Variants in SSH2 observed in about 807,000 individuals in gnomAD.
SSH2 encodes protein phosphatase Slingshot homolog 2.
In SSH2, 37 loss-of-function variants were observed where a neutral mutation model predicts 135.2. The observed-to-expected ratio is 0.27, with a 90% CI of 0.21 to 0.36. SSH2 has a LOEUF of 0.36. SSH2 is among the 10% of genes least tolerant of loss of function. The probability of loss-of-function intolerance (pLI) is 1.00; values close to 1 mark genes in which losing one functional copy is unlikely to be tolerated. For synonymous variants in SSH2, 628 were observed against 646.2 expected (o/e 0.97, Z 0.43); for missense variants, 1,408 against 1,765.3 (o/e 0.80, Z 3.63).
chr17:29,715,407 G>A (rs898396196), intron 3 of SSH2, among the ~76,000 whole-genome samples: 40 of 151,606 alleles, frequency 2.6e-4, no homozygotes, highest in Non-Finnish European at 2.2e-4. Context: ...CACCACGCCC[G>A]GCTAATTTTT....
At chr17:29,760,784 C>A (rs1234328284) in intron 3 of SSH2, among the ~76,000 whole-genome samples, 1 of 152,050 alleles carries the variant, frequency 6.6e-6, no homozygotes, top group African/African-American at 2.4e-5. Flanking sequence ...CACAGGGACT[C>A]CCGCTTCCGA....
chr17:29,744,883 G>GTGTGTGTGTT (rs1182372128), intron 3 of SSH2, among the ~76,000 whole-genome samples: 3 of 151,160 alleles, frequency 2.0e-5, no homozygotes, highest in Non-Finnish European at 4.4e-5. Flanking sequence ...GTGTGTGTGT[G>GTGTGTGTGTT]TGTGTGTGTG....
At chr17:29,815,412 G>T (rs955500303) in intron 2 of SSH2, among the ~76,000 whole-genome samples, 4 of 152,004 alleles carry the variant, frequency 2.6e-5, no homozygotes, top group African/African-American at 9.7e-5. Flanking sequence ...GTTAGCCACC[G>T]TGCCTGGCCC....
chr17:29,741,829 T>C (rs1427420406), intron 3 of SSH2, among the ~76,000 whole-genome samples: 1 of 151,902 alleles, frequency 6.6e-6, no homozygotes, highest in African/African-American at 2.4e-5. Flanking sequence ...TTGGCCAGGC[T>C]GGTGTTGAAT....
chr17:29,757,673 T>TTGAGCCTGGGAGTATGAGA (rs1189011707), intron 3 of SSH2, among the ~76,000 whole-genome samples: 2 of 150,430 alleles, frequency 1.3e-5, no homozygotes, highest in Admixed American at 1.3e-4. Flanking sequence ...GGAGGATCAC[T>TTGAGCCTGGGAGTATGAGA]TGAGCCTGGG....
intron 2 of SSH2, among the ~76,000 whole-genome samples, chr17:29,797,418 C>CT (rs937116294): frequency 2.0e-5 from 3 of 152,142 alleles, no homozygotes; most frequent in Non-Finnish European, 4.4e-5. Context: ...CTATGTACTA[C>CT]TTTATGGGAA....
At chr17:29,659,341 C>T (rs1195658788) in intron 11 of SSH2, among the ~76,000 whole-genome samples, 2 of 152,184 alleles carry the variant, frequency 1.3e-5, no homozygotes, top group Admixed American at 1.3e-4. Context: ...CAGAGCACCA[C>T]TTTCCCCACA....
At chr17:29,879,355 G>A (rs2066094326) in intron 1 of SSH2, among the ~76,000 whole-genome samples, 2 of 150,494 alleles carry the variant, frequency 1.3e-5, no homozygotes, top group South Asian at 4.2e-4. Context: ...CCACTTCTCA[G>A]GAACAGTGCT....
chr17:29,751,745 C>T (rs1019579966), intron 3 of SSH2, among the ~76,000 whole-genome samples: 2 of 152,072 alleles, frequency 1.3e-5, no homozygotes, highest in African/African-American at 4.8e-5. Flanking sequence ...CATAACTGCA[C>T]TCAGAGAGAT....
rs199601705 is a variant in SSH2, at chr17:29,766,457, CA to C, written c.188+27436del. The stretch of plus-strand genomic sequence containing the variant: ...GGGGCAACAGAGTGAGACGCTGTCT[CA>C]AAAAAAAAAATAATAATAATAAAGA... On this transcript the variant is annotated intron_variant, in intron 3 of 15. Transcript: ENST00000540801. 1.3e-3 allele frequency among the ~76,000 whole-genome samples: 176 copies of C among 140,496 alleles called. 1 individual carries two copies. In the East Asian group the frequency reaches 0.022, roughly 18 times the overall value. The allele number at this position is 140,496 out of a possible 152,430, so 92.2% of individuals were successfully genotyped here. A position where few individuals can be genotyped will look rare whatever the true frequency, so the allele number is the denominator to read the frequency against.
At chr17:29,674,175 T>C in intron 8 of SSH2, 1 of 456,492 alleles carries the variant, frequency 2.2e-6, no homozygotes, top group Non-Finnish European at 4.4e-6. Flanking sequence ...CAATGTAAAT[T>C]AAGAAAACAA....
In SSH2 at chr17:29,836,587, C is replaced by T. The variant is rs182321071; in HGVS notation, c.144+12262G>A. On this transcript the variant is annotated intron_variant, in intron 2 of 15. Transcript: ENST00000540801. ...CAGAAATGTAATGTGAAATAACGTA[C>T]GTACTAACATTTGTTTTTACTAACC... Among the ~76,000 whole-genome samples, 7 of 152,332 alleles carry T rather than the reference C, an allele frequency of 4.6e-5. No homozygotes were observed. The East Asian group carries it at 1.4e-3, about 29-fold the overall frequency.
intron 11 of SSH2, among the ~76,000 whole-genome samples, chr17:29,655,989 TG>T (rs1487949443): frequency 6.6e-6 from 1 of 152,230 alleles, no homozygotes; most frequent in African/African-American, 2.4e-5. Context: ...TTTATTTATG[TG>T]CTTACTTTCT....
chr17:29,725,370 G>A (rs1179470863), intron 3 of SSH2, among the ~76,000 whole-genome samples: 596 of 37,020 alleles, frequency 0.016, 1 homozygote, highest in Middle Eastern at 0.026. Context: ...AAAAAAAAAA[G>A]CCAGGGAATC....
chr17:29,650,443 C>T (rs2036541249), intron 13 of SSH2, among the ~76,000 whole-genome samples: 1 of 152,082 alleles, frequency 6.6e-6, no homozygotes. Flanking sequence ...TGGAAATAGC[C>T]AACATGAGGT....
At chr17:29,678,949 A>G (rs2037848045) in intron 6 of SSH2, among the ~76,000 whole-genome samples, 2 of 152,086 alleles carry the variant, frequency 1.3e-5, no homozygotes, top group South Asian at 4.1e-4. Context: ...TCCTGGCCTC[A>G]GAGTGATCCA....
At chr17:29,928,391 A>G (rs181632652) in intron 1 of SSH2, 17 of 396,470 alleles carry the variant, frequency 4.3e-5, no homozygotes, top group Non-Finnish European at 6.7e-5. Context: ...TTAGATTAGA[A>G]ATAGTCTTAG....
At chr17:29,773,026 C>G (rs1727421659) in intron 3 of SSH2, among the ~76,000 whole-genome samples, 2 of 143,938 alleles carry the variant, frequency 1.4e-5, no homozygotes, top group African/African-American at 5.7e-5. Context: ...TCTGTCCATC[C>G]ATCCATCCAT....
At chr17:29,780,840 T>C (rs1388303314) in intron 3 of SSH2, among the ~76,000 whole-genome samples, 1 of 151,734 alleles carries the variant, frequency 6.6e-6, no homozygotes, top group East Asian at 1.9e-4. Flanking sequence ...TTGAGAGGAG[T>C]CTCGCTCTGT....
Sources: gnomAD v4.1 joint callset for allele counts (sites outside exome capture counted in the v4.1 genomes callset) on GRCh38, gnomAD v4.1.1 for gene constraint, MANE v1.5 for transcripts, NCBI Gene and HGNC (gene_info 2026-07-23, HGNC 2026-07-21) for gene names.